Variants in SMG8 observed in about 807,000 individuals in gnomAD.
The protein encoded by SMG8 is SMG8 nonsense mediated mRNA decay factor.
Under a neutral mutation model 82.1 loss-of-function variants are expected in SMG8, and 49 were observed. The observed-to-expected ratio is 0.60, with a 90% CI of 0.47 to 0.76. The LOEUF (loss-of-function observed/expected upper bound fraction) is 0.76, where lower values mean the gene tolerates loss of function less well. SMG8 is among the 30% of genes least tolerant of loss of function. The pLI, the probability that SMG8 is intolerant of heterozygous loss-of-function variation, is 0.00. For missense variants in SMG8, 969 were observed against 1,166.4 expected (o/e 0.83, Z 2.46); for synonymous variants, 404 against 430.0 (o/e 0.94, Z 0.75).
rs769057389 is a variant in SMG8, at chr17:59,212,349, C to G, written c.1768C>G (p.Pro590Ala). Residue 590 changes from proline to alanine, a missense_variant, in exon 2 of 4, where the codon CCA becomes GCA. Coordinates refer to ENST00000300917, the MANE Select transcript of SMG8 (RefSeq NM_018149.7). ...FHSLPKSGEK[P>A]EADRNPPVLY... ...GCTGTTATATTTTCCAGGAGAAAAA[C>G]CAGAGGCTGATAGAAATCCGCCTGT... is the stretch of plus-strand genomic sequence containing the variant. 30 of 1,561,232 alleles carry G rather than the reference C, an allele frequency of 1.9e-5. No individual in the cohort carries two copies. The highest frequency in any genetic ancestry group is 2.4e-5 in the Non-Finnish European group (27 of 1,144,698).
chr17:59,212,137 A>G (rs2046948415), intron 1 of SMG8: 1 of 445,192 alleles, frequency 2.2e-6, no homozygotes, highest in African/African-American at 2.0e-5. Context: ...ATGATGGTAC[A>G]TGATAATGGT....
chr17:59,212,742 A>T lies in SMG8; in HGVS notation c.1919A>T (p.Lys640Met). The T allele has an allele frequency of 6.2e-7, 1 of 1,600,386 alleles. No homozygotes were observed. Among genetic ancestry groups the T allele is most frequent in the African/African-American group, 1.4e-5 (1 of 74,028 alleles). The change falls in exon 3 of 4, where the codon AAG becomes ATG. Residue 640 changes from lysine to methionine, a missense_variant. By Grantham distance (95) the Lys-to-Met change is moderately conservative. Transcript: ENST00000300917. Reference sequence around the variant, plus strand: ...TACCCTCTATAGCTTCTGGAAGAAAAGTGTTGTGGAAAATTGGATCATATC... The same window carrying T: ...TACCCTCTATAGCTTCTGGAAGAAATGTGTTGTGGAAAATTGGATCATATC... The part of the protein sequence containing the change: ...NYDFYQLLEE[K>M]CCGKLDHINF...
Position 59,210,073 on chromosome 17 carries a change from C to G in SMG8, c.22C>G (p.Arg8Gly), listed in dbSNP as rs1435323813. Residue 8 changes from arginine (R) to glycine (G), a missense_variant, in exon 1 of 4, where the codon CGA becomes GGA. Physicochemically the swap from Arg to Gly is moderately radical, Grantham distance 125. Transcript: ENST00000300917. MAGPVSLRDLLMGASAWM... is the reference protein window; with the variant it reads MAGPVSLGDLLMGASAWM... ...CACTATGGCTGGTCCCGTGAGCTTGCGAGACCTTCTAATGGGAGCATCAGC... is the reference window on the plus strand; with the variant it reads ...CACTATGGCTGGTCCCGTGAGCTTGGGAGACCTTCTAATGGGAGCATCAGC... The G allele has an allele frequency of 5.7e-6, 9 of 1,568,458 alleles. No individual in the cohort carries two copies. The highest frequency in any genetic ancestry group is 1.7e-4 in the Middle Eastern group (1 of 5,810).
chr17:59,213,412 G>C lies in SMG8; in HGVS notation c.2589G>C (p.Gly863=). The change falls in exon 3 of 4, where the codon GGG becomes GGC. Residue 863 remains glycine, a synonymous_variant. Transcript: ENST00000300917. ...DSRGRRFMCS[G]PDKVMKVMGS... is the part of the protein sequence containing the mutation. ...GAGGTCGGAGATTCATGTGCTCTGG[G>C]CCTGACAAAGTAATGAAAGTAATGG... 2.5e-6 allele frequency: 4 copies of C among 1,614,142 alleles called. No individual in the cohort carries two copies. The highest frequency in any genetic ancestry group is 2.5e-6 in the Non-Finnish European group (3 of 1,180,040).
rs2046941803 is a variant in SMG8 at position 59,210,663 on chromosome 17, C to T, written c.612C>T (p.Phe204=). The change falls in exon 1 of 4, where the codon TTC becomes TTT. Residue 204 remains phenylalanine, a synonymous_variant. Coordinates refer to ENST00000300917, the MANE Select transcript of SMG8 (RefSeq NM_018149.7). The part of the protein sequence containing the change: ...KLQCLSLLYL[F]SVCHILLLVH... Reference sequence around the variant, plus strand: ...AGTGCCTCAGTCTCCTTTACCTATTCTCTGTCTGTCATATCTTGCTTCTGG... The same window carrying T: ...AGTGCCTCAGTCTCCTTTACCTATTTTCTGTCTGTCATATCTTGCTTCTGG... The T allele has an allele frequency of 3.7e-6, 6 of 1,614,090 alleles. No individual in the cohort carries two copies. The highest frequency in any genetic ancestry group is 1.3e-5 in the African/African-American group (1 of 75,056).
At position 59,211,559 on chromosome 17, in the gene SMG8, C is replaced by G. The variant is rs1022695674; in HGVS notation, c.1508C>G (p.Ala503Gly). The G allele has an allele frequency of 6.2e-7, 1 of 1,614,148 alleles. No individual in the cohort carries two copies. The highest frequency in any genetic ancestry group is 8.5e-7 in the Non-Finnish European group (1 of 1,180,028). ...TTCTCAGAAAACCGATGCCAAAAAGCTTTACCCATGGCCCACAGTGCCTAC... is the reference window on the plus strand; with the variant it reads ...TTCTCAGAAAACCGATGCCAAAAAGGTTTACCCATGGCCCACAGTGCCTAC... The part of the protein sequence containing the change: ...TKFSENRCQK[A>G]LPMAHSAYQS... The change falls in exon 1 of 4, where the codon GCT (alanine) becomes GGT (glycine). Residue 503 changes from alanine (A) to glycine (G), a missense_variant. Physicochemically the swap from Ala to Gly is moderately conservative, Grantham distance 60 (BLOSUM62 0). Around this residue, in one of 3 missense-constraint regions of SMG8, gnomAD observed 662 missense variants for 884.8 expected, o/e 0.75. Transcript: ENST00000300917.
intron 1 of SMG8, 38 bp from the exon 2 acceptor site, chr17:59,212,303 G>A (rs769377015): frequency 6.5e-7 from 1 of 1,526,756 alleles, no homozygotes; most frequent in Admixed American, 1.8e-5. Flanking sequence ...TTCGCACATT[G>A]TGTTTATGAA....
Position 59,215,118 on chromosome 17 carries a change from A to C in SMG8, c.*116A>C. On this transcript the variant is annotated 3_prime_UTR_variant, in exon 4 of 4. Coordinates refer to ENST00000300917, the MANE Select transcript of SMG8 (RefSeq NM_018149.7). ...CCCAAATCCAAAATGTGTTTTGGTT[A>C]CAGGAGTTCAGTATTTGGAAACTAA... 1.5e-6 allele frequency: 1 copy of C among 656,356 alleles called. No individual in the cohort carries two copies. Among genetic ancestry groups the C allele is most frequent in the Non-Finnish European group, 2.7e-6 (1 of 371,598 alleles). The allele number at this position is 656,356 out of a possible 1,614,324, so 40.7% of individuals were successfully genotyped here.
chr17:59,210,146 G>T lies in SMG8; in HGVS notation c.95G>T (p.Gly32Val). 6.3e-7 allele frequency: 1 copy of T among 1,587,716 alleles called. No homozygotes were observed. The highest frequency in any genetic ancestry group is 2.2e-5 in the East Asian group (1 of 44,710). ...SPGGSPTEGG[G>V]SAAGGPEPPW... is the part of the protein sequence containing the mutation. ...GGAGGGTCCCCTACTGAGGGCGGAG[G>T]GAGCGCGGCTGGCGGACCGGAGCCT... Residue 32 changes from glycine to valine, a missense_variant, in exon 1 of 4, where the codon GGG becomes GTG. Physicochemically the swap from Gly to Val is moderately radical, Grantham distance 109. Around this residue, in one of 3 missense-constraint regions of SMG8, gnomAD observed 206 missense variants for 190.5 expected, o/e 1.08. Transcript: ENST00000300917.
In SMG8 at chr17:59,214,841, C is replaced by T; in HGVS notation, c.2815C>T (p.Pro939Ser). 1.1e-6 allele frequency: 1 copy of T among 872,876 alleles called. No homozygotes were observed. The highest frequency in any genetic ancestry group is 2.0e-6 in the Non-Finnish European group (1 of 501,670). The allele number at this position is 872,876 out of a possible 1,614,324, so 54.1% of individuals were successfully genotyped here. Residue 939 changes from proline to serine, a missense_variant, in exon 4 of 4, where the codon CCA becomes TCA. By Grantham distance (74) the Pro-to-Ser change is moderately conservative. This residue lies in a region of SMG8 where 101 missense variants were observed against 91.1 expected (regional missense o/e 1.11). Coordinates refer to ENST00000300917, the MANE Select transcript of SMG8 (RefSeq NM_018149.7). ...PGPPPCPVFY[P>S]EKQEITLPPD... ...CCCACCACCATGTCCGGTATTCTAC[C>T]CAGAAAAACAAGAAATCACCCTTCC...
chr17:59,212,729 C>G lies in SMG8; in HGVS notation c.1906C>G (p.Leu636Val), dbSNP rs937197784. ...GGATTTTTTTTCTTACCCTCTATAG[C>G]TTCTGGAAGAAAAGTGTTGTGGAAA... ...IKAANYDFYQ[L>V]LEEKCCGKLD... The change falls in exon 3 of 4, where the codon CTT (leucine) becomes GTT (valine). Residue 636 changes from leucine (L) to valine (V), a missense_variant and splice_region_variant. Leu to Val is a conservative substitution (Grantham distance 32). Transcript: ENST00000300917. 1 of 1,596,042 alleles carries G rather than the reference C, an allele frequency of 6.3e-7. No individual in the cohort carries two copies. Among genetic ancestry groups the G allele is most frequent in the African/African-American group, 1.4e-5 (1 of 73,708 alleles).
intron 1 of SMG8, 105 bp downstream of exon 1, chr17:59,211,915 C>A: frequency 9.3e-7 from 1 of 1,074,966 alleles, no homozygotes. Context: ...TAGAAAGAGC[C>A]CTACAGAAAT....
At position 59,211,267 on chromosome 17, in the gene SMG8, G is replaced by A; in HGVS notation, c.1216G>A (p.Val406Met). 1 of 1,614,130 alleles carries A rather than the reference G, an allele frequency of 6.2e-7. No individual in the cohort carries two copies. The highest frequency in any genetic ancestry group is 8.5e-7 in the Non-Finnish European group (1 of 1,180,006). The change falls in exon 1 of 4, where the codon GTG becomes ATG. Residue 406 changes from valine (V) to methionine (M), a missense_variant. Transcript: ENST00000300917. ...SSSSSSSGQL[V>M]DFTLREFLWQ... ...CAGTTCCAGTTCTTCAGGCCAGCTA[G>A]TGGATTTCACTCTTCGGGAATTCCT... is the stretch of plus-strand genomic sequence containing the variant.
chr17:59,211,476 A>T lies in SMG8; in HGVS notation c.1425A>T (p.Thr475=), dbSNP rs894969533. 5.0e-6 allele frequency: 8 copies of T among 1,613,864 alleles called. No homozygotes were observed. The highest frequency in any genetic ancestry group is 1.7e-5 in the Admixed American group (1 of 59,910). Residue 475 remains threonine, a synonymous_variant, in exon 1 of 4, where the codon ACA becomes ACT. Coordinates refer to ENST00000300917, the MANE Select transcript of SMG8 (RefSeq NM_018149.7). ...EDLGSPTGEL[T]SKILSSIKVL... is the part of the protein sequence containing the mutation. ...TGGGGTCACCCACTGGAGAGCTAACATCTAAGATTTTAAGCAGTATTAAAG... is the reference window on the plus strand; with the variant it reads ...TGGGGTCACCCACTGGAGAGCTAACTTCTAAGATTTTAAGCAGTATTAAAG...
chr17:59,210,275 A>C lies in SMG8; in HGVS notation c.224A>C (p.Gln75Pro). Reference sequence around the variant, plus strand: ...CTTGTGAATACGGTGTGCGACCGACAGGTCTTTCCTCTCTTTCGCCACCAA... The same window carrying C: ...CTTGTGAATACGGTGTGCGACCGACCGGTCTTTCCTCTCTTTCGCCACCAA... ...FSLVNTVCDR[Q>P]VFPLFRHQDP... Residue 75 changes from glutamine to proline, a missense_variant, in exon 1 of 4, where the codon CAG (glutamine) becomes CCG (proline). Physicochemically the swap from Gln to Pro is moderately conservative, Grantham distance 76. Coordinates refer to ENST00000300917, the MANE Select transcript of SMG8 (RefSeq NM_018149.7). The C allele has an allele frequency of 1.2e-6, 2 of 1,613,310 alleles. No individual in the cohort carries two copies. The highest frequency in any genetic ancestry group is 1.7e-6 in the Non-Finnish European group (2 of 1,179,830).
chr17:59,211,929 G>A, intron 1 of SMG8, 119 bp downstream of exon 1: 2 of 872,690 alleles, frequency 2.3e-6, no homozygotes, highest in East Asian at 3.0e-5. Flanking sequence ...CAGAAATTTA[G>A]GTGCATCAGC....
In SMG8 at chr17:59,213,520, G is replaced by C; in HGVS notation, c.2697G>C (p.Gly899=). The C allele has an allele frequency of 6.2e-7, 1 of 1,614,186 alleles. No homozygotes were observed. Among genetic ancestry groups the C allele is most frequent in the Non-Finnish European group, 8.5e-7 (1 of 1,180,036 alleles). ...TTCTGTCATCCTCTCAAGGTAGAGG[G>C]CTGAAACCTCATTATGCTCAACTTA... is the stretch of plus-strand genomic sequence containing the variant. The part of the protein sequence containing the change: ...LYILSSSQGR[G]LKPHYAQLMR... Residue 899 remains glycine (G), a synonymous_variant, in exon 3 of 4, where the codon GGG becomes GGC. Transcript: ENST00000300917.
At chr17:59,214,156 C>T (rs767660606) in intron 3 of SMG8, among the ~76,000 whole-genome samples, 10 of 151,902 alleles carry the variant, frequency 6.6e-5, no homozygotes, top group Non-Finnish European at 1.5e-4. Context: ...TGGTGGAAGG[C>T]GCCTGTAATC....
intron 3 of SMG8, among the ~76,000 whole-genome samples, chr17:59,214,105 A>G (rs975960881): frequency 1.3e-5 from 2 of 152,116 alleles, no homozygotes; most frequent in African/African-American, 2.4e-5. Context: ...CAACATGGCG[A>G]AACCCCGTCT....
Sources: allele counts gnomAD v4.1 joint callset (sites outside exome capture counted in the v4.1 genomes callset), GRCh38; gene constraint gnomAD v4.1.1; regional missense constraint gnomAD v4.1.1; transcripts MANE v1.5; gene names NCBI Gene and HGNC (gene_info 2026-07-23, HGNC 2026-07-21).